The following HTR2C variants were observed in gnomAD, a reference collection of about 807,000 sequenced individuals.
HTR2C encodes 5-hydroxytryptamine receptor 2C, also known as 5-hydroxytryptamine (serotonin) receptor 2C, G protein-coupled.
HTR2C carries 5 observed loss-of-function variants against 21.0 expected under a neutral mutation model. The observed-to-expected ratio is 0.24, with a 90% confidence interval of 0.12 to 0.50. The LOEUF (loss-of-function observed/expected upper bound fraction) is 0.50, where lower values mean the gene tolerates loss of function less well. HTR2C is among the 20% of genes least tolerant of loss of function. HTR2C has a pLI of 0.98. For missense variants in HTR2C, 271 were observed against 371.2 expected (o/e 0.73, Z 2.22); for synonymous variants, 150 against 145.3 (o/e 1.03, Z -0.23).
chrX:114,645,914 C>T (rs918022504), intron 2 of HTR2C, among the ~76,000 whole-genome samples: 19 of 110,695 alleles, frequency 1.7e-4, no homozygotes, highest in Non-Finnish European at 3.0e-4. Context: ...AATGGAAAAC[C>T]GGAAAAGAGA....
chrX:114,613,537 A>G (rs188817883), intron 1 of HTR2C, among the ~76,000 whole-genome samples: 1 of 111,475 alleles, frequency 9.0e-6, no homozygotes, highest in Non-Finnish European at 1.9e-5. Context: ...GAATGCCTCA[A>G]CTGTCTGGGA....
chrX:114,805,406 CTT>C (rs66522335), intron 4 of HTR2C, among the ~76,000 whole-genome samples: 18 of 84,231 alleles, frequency 2.1e-4, no homozygotes, highest in African/African-American at 6.5e-4. Context: ...GTCTCCACCC[CTT>C]TTTTTTTTTT....
intron 4 of HTR2C, among the ~76,000 whole-genome samples, chrX:114,846,263 A>T (rs1403640470): frequency 9.0e-6 from 1 of 111,698 alleles, no homozygotes; most frequent in Non-Finnish European, 1.9e-5. Context: ...ATTAACACCA[A>T]TTCTTCTCAA....
intron 5 of HTR2C, among the ~76,000 whole-genome samples, chrX:114,886,868 A>G (rs181025766): frequency 5.4e-5 from 6 of 111,533 alleles, no homozygotes; most frequent in Non-Finnish European, 9.4e-5. Context: ...AGCCCATTAT[A>G]GCTTTGCCCC....
chrX:114,661,416 A>C (rs966771590), intron 2 of HTR2C, among the ~76,000 whole-genome samples: 15,852 of 108,587 alleles, frequency 0.15, 823 homozygotes, highest in South Asian at 0.32. Context: ...AAAAAAAAAA[A>C]CTATAATATC....
chrX:114,707,291 C>G (rs782341598), intron 2 of HTR2C, among the ~76,000 whole-genome samples: 1 of 111,247 alleles, frequency 9.0e-6, no homozygotes, highest in Admixed American at 9.7e-5. Context: ...CATGGTGACA[C>G]ATGCCTGTAG....
intron 2 of HTR2C, among the ~76,000 whole-genome samples, chrX:114,670,522 T>G (rs1931340988): frequency 8.9e-6 from 1 of 112,040 alleles, no homozygotes; most frequent in African/African-American, 3.2e-5. Flanking sequence ...ATGTAACCAT[T>G]ATATTGACAT....
At chrX:114,625,458 TG>T (rs1556402648) in intron 2 of HTR2C, among the ~76,000 whole-genome samples, 1 of 110,727 alleles carries the variant, frequency 9.0e-6, no homozygotes, top group African/African-American at 3.3e-5. Context: ...AAAAAGATCC[TG>T]GCATCTTTCT....
chrX:114,779,013 A>C (rs1328247036), intron 4 of HTR2C, among the ~76,000 whole-genome samples: 1 of 112,156 alleles, frequency 8.9e-6, no homozygotes, highest in East Asian at 2.8e-4. Flanking sequence ...TATAAATCTT[A>C]TGTTCTTAAT....
intron 4 of HTR2C, among the ~76,000 whole-genome samples, chrX:114,798,656 G>A (rs2070317350): frequency 9.0e-6 from 1 of 111,034 alleles, no homozygotes; most frequent in Admixed American, 9.6e-5. Context: ...AGGGCTCATA[G>A]TCTTTAAATT....
intron 2 of HTR2C, among the ~76,000 whole-genome samples, chrX:114,680,031 C>T (rs1556413322): frequency 1.8e-5 from 2 of 111,979 alleles, no homozygotes; most frequent in African/African-American, 6.5e-5. Flanking sequence ...TTTTTTGTTA[C>T]AATTTGTTTA....
At chrX:114,651,797 AT>A (rs1343942329) in intron 2 of HTR2C, among the ~76,000 whole-genome samples, 1 of 111,814 alleles carries the variant, frequency 8.9e-6, no homozygotes, top group East Asian at 2.8e-4. Flanking sequence ...ATTATAATAC[AT>A]TTTTTATTCC....
intron 5 of HTR2C, among the ~76,000 whole-genome samples, chrX:114,857,432 T>C (rs2070971807): frequency 1.8e-5 from 2 of 111,354 alleles, no homozygotes; most frequent in East Asian, 5.7e-4. Context: ...GTCCTAATAA[T>C]TGTGTTCTGG....
chrX:114,674,409 G>C (rs1931482691), intron 2 of HTR2C, among the ~76,000 whole-genome samples: 3 of 111,866 alleles, frequency 2.7e-5, no homozygotes, highest in Admixed American at 1.9e-4. Context: ...CTTTGAAAGA[G>C]TGAATTGTTT....
At chrX:114,639,951 C>A (rs1034628911) in intron 2 of HTR2C, among the ~76,000 whole-genome samples, 9 of 111,041 alleles carry the variant, frequency 8.1e-5, no homozygotes, top group African/African-American at 2.9e-4. Flanking sequence ...TAAGGTTAAG[C>A]CAGGAAGTAA....
At chrX:114,888,902 C>G (rs1020032944) in intron 5 of HTR2C, among the ~76,000 whole-genome samples, 1 of 111,564 alleles carries the variant, frequency 9.0e-6, no homozygotes, top group Non-Finnish European at 1.9e-5. Context: ...ACCTTCAGTT[C>G]ATTGAACGTA....
intron 1 of HTR2C, among the ~76,000 whole-genome samples, chrX:114,597,044 C>CCCATCT (rs1318009878): frequency 9.2e-6 from 1 of 109,235 alleles, no homozygotes; most frequent in Non-Finnish European, 1.9e-5. Context: ...ATGGCGAAAC[C>CCCATCT]CCATCTTTAC....
chrX:114,830,679 T>A (rs936357704), intron 4 of HTR2C, among the ~76,000 whole-genome samples: 3 of 103,769 alleles, frequency 2.9e-5, no homozygotes, highest in Non-Finnish European at 5.9e-5. Context: ...TATTTTTTTA[T>A]GGAGAGTGCT....
chrX:114,705,111 T>A (rs1481368180), intron 2 of HTR2C, among the ~76,000 whole-genome samples: 2 of 103,996 alleles, frequency 1.9e-5, no homozygotes, highest in African/African-American at 6.9e-5. Context: ...AGAATCAATA[T>A]CGTGAAAATG....
Sources: allele counts gnomAD v4.1 joint callset (sites outside exome capture counted in the v4.1 genomes callset), GRCh38; gene constraint gnomAD v4.1.1; transcripts MANE v1.5; gene names NCBI Gene and HGNC (gene_info 2026-07-23, HGNC 2026-07-21).